C8B: variants seen among roughly 807,000 people sequenced by gnomAD.
The protein encoded by C8B is complement component C8 beta chain.
Under a neutral mutation model 64.6 loss-of-function variants are expected in C8B, and 67 were observed. That is an observed-to-expected ratio of 1.04 (90% CI 0.85 to 1.27). The LOEUF is 1.27. C8B is among the 50% of genes most tolerant of loss of function. C8B has a pLI of 0.00. For synonymous variants in C8B, 284 were observed against 257.7 expected (o/e 1.10, Z -0.98); for missense variants, 790 against 725.2 (o/e 1.09, Z -1.03).
At position 56,952,160 on chromosome 1, in the gene C8B, C is replaced by G. The variant is rs148621962; in HGVS notation, c.554G>C (p.Ser185Thr). The G allele has an allele frequency of 9.3e-6, 15 of 1,614,190 alleles. No homozygotes were observed. In the African/African-American group the frequency reaches 1.7e-4, roughly 19 times the overall value. ...GTGATCAAGAACTGGGCCCTCAAAACTGTTTGTGAACAAATTTATCCTGTG... is the reference window on the plus strand; with the variant it reads ...GTGATCAAGAACTGGGCCCTCAAAAGTGTTTGTGAACAAATTTATCCTGTG... ...LASGINLFTN[S>T]FEGPVLDHRY... is the part of the protein sequence containing the mutation. The change falls in exon 5 of 12, where the codon AGT becomes ACT. Residue 185 changes from serine (S) to threonine (T), a missense_variant. By Grantham distance (58) the Ser-to-Thr change is moderately conservative (BLOSUM62 1). Coordinates refer to ENST00000371237, the MANE Select transcript of C8B (RefSeq NM_000066.4).
chr1:56,930,127 G>A (rs1192852162), intron 11 of C8B, among the ~76,000 whole-genome samples: 1 of 152,180 alleles, frequency 6.6e-6, no homozygotes, highest in Non-Finnish European at 1.5e-5. Context: ...ATGAATGAAT[G>A]TTTTCCAGCT....
intron 7 of C8B, among the ~76,000 whole-genome samples, chr1:56,944,701 T>A (rs1026561170): frequency 6.6e-6 from 1 of 152,236 alleles, no homozygotes; most frequent in African/African-American, 2.4e-5. Flanking sequence ...CCTTTTATGT[T>A]TGAGGAACAG....
At chr1:56,945,774 C>T in intron 7 of C8B, 47 bp downstream of exon 7, 1 of 1,612,826 alleles carries the variant, frequency 6.2e-7, no homozygotes, top group Non-Finnish European at 8.5e-7. Context: ...CAACTTATGA[C>T]TCTTCCCCCA....
At chr1:56,940,748 T>G (rs1644839704) in intron 9 of C8B, 101 bp downstream of exon 9, 1 of 1,357,054 alleles carries the variant, frequency 7.4e-7, no homozygotes. Flanking sequence ...AATTAGGGCC[T>G]GGGTCTTAGT....
At chr1:56,946,532 C>T (rs1644944689) in intron 6 of C8B, among the ~76,000 whole-genome samples, 1 of 152,192 alleles carries the variant, frequency 6.6e-6, no homozygotes, top group African/African-American at 2.4e-5. Flanking sequence ...AAACTCAGTA[C>T]CTGTACCTGT....
intron 1 of C8B, among the ~76,000 whole-genome samples, chr1:56,964,387 G>A (rs1645222454): frequency 1.3e-5 from 2 of 152,124 alleles, no homozygotes; most frequent in African/African-American, 4.8e-5. Flanking sequence ...CATGATGCCT[G>A]TTCACTCCTA....
intron 4 of C8B, among the ~76,000 whole-genome samples, chr1:56,953,065 A>C (rs1645049174): frequency 6.6e-6 from 1 of 152,202 alleles, no homozygotes; most frequent in South Asian, 2.1e-4. Context: ...AGCTACGTGC[A>C]TCATCTCATT....
chr1:56,954,670 A>G lies in C8B; in HGVS notation c.533+16T>C. Reference sequence around the variant, plus strand: ...CTGTGCCTTCCCATCTACGCCACAGAAAAATGGTCACTTACCCACTGGCCA... The same window carrying G: ...CTGTGCCTTCCCATCTACGCCACAGGAAAATGGTCACTTACCCACTGGCCA... On this transcript the variant is annotated intron_variant, in intron 4 of 11. Coordinates refer to ENST00000371237, the MANE Select transcript of C8B (RefSeq NM_000066.4). 1.2e-6 allele frequency: 2 copies of G among 1,613,894 alleles called. No homozygotes were observed. The highest frequency in any genetic ancestry group is 1.7e-6 in the Non-Finnish European group (2 of 1,179,788).
intron 8 of C8B, among the ~76,000 whole-genome samples, chr1:56,943,083 A>G (rs1570384042): frequency 6.6e-6 from 1 of 151,672 alleles, no homozygotes; most frequent in East Asian, 1.9e-4. Context: ...CAAAAAAATA[A>G]AAATAAAAAA....
intron 9 of C8B, among the ~76,000 whole-genome samples, chr1:56,937,900 A>G (rs1370124859): frequency 2.6e-5 from 4 of 152,144 alleles, no homozygotes; most frequent in Non-Finnish European, 1.5e-5. Flanking sequence ...AAGACTCCTC[A>G]GTTGTTGCTC....
intron 2 of C8B, among the ~76,000 whole-genome samples, chr1:56,959,036 T>C (rs1329269127): frequency 6.6e-6 from 1 of 152,206 alleles, no homozygotes; most frequent in Non-Finnish European, 1.5e-5. Flanking sequence ...TTGAGTGTGT[T>C]CACTGGAAGA....
chr1:56,942,180 C>A (rs1474421497), intron 8 of C8B, among the ~76,000 whole-genome samples: 2 of 152,218 alleles, frequency 1.3e-5, no homozygotes, highest in Non-Finnish European at 2.9e-5. Context: ...AAGGTACTTA[C>A]CAGACGGCCC....
intron 2 of C8B, among the ~76,000 whole-genome samples, chr1:56,958,562 G>A (rs1645134056): frequency 6.6e-6 from 1 of 152,028 alleles, no homozygotes; most frequent in Non-Finnish European, 1.5e-5. Flanking sequence ...TGTAAGTGGT[G>A]CAGGAAATAT....
At chr1:56,941,057 G>T in intron 8 of C8B, 45 bp from the exon 9 acceptor site, 1 of 1,607,384 alleles carries the variant, frequency 6.2e-7, no homozygotes, top group Non-Finnish European at 8.5e-7. Context: ...ATATCCCTTT[G>T]CCCCCTAGAA....
rs568669596 is a variant in C8B, at chr1:56,943,771, C to G, written c.1159G>C (p.Gly387Arg). 1 of 1,614,076 alleles carries G rather than the reference C, an allele frequency of 6.2e-7. No individual in the cohort carries two copies. The highest frequency in any genetic ancestry group is 1.7e-5 in the Admixed American group (1 of 60,024). Reference sequence around the variant, plus strand: ...CTGACGTAGACCTCTTCAATGGCACCACCAATTTTAAAATCATTTTTGGCA... The same window carrying G: ...CTGACGTAGACCTCTTCAATGGCACGACCAATTTTAAAATCATTTTTGGCA... ...ACAKNDFKIG[G>R]AIEEVYVSLG... is the part of the protein sequence containing the mutation. Residue 387 changes from glycine (G) to arginine (R), a missense_variant, in exon 8 of 12, where the codon GGT becomes CGT. Transcript: ENST00000371237.
At chr1:56,961,489 T>A (rs1645179347) in intron 1 of C8B, among the ~76,000 whole-genome samples, 1 of 152,162 alleles carries the variant, frequency 6.6e-6, no homozygotes, top group East Asian at 1.9e-4. Flanking sequence ...GCAGTGGTGT[T>A]ACGATCTGAG....
chr1:56,949,955 G>A (rs1405995724), intron 5 of C8B, among the ~76,000 whole-genome samples: 1 of 152,110 alleles, frequency 6.6e-6, no homozygotes, highest in Non-Finnish European at 1.5e-5. Context: ...TACCTTGGGT[G>A]AAAACTTAGA....
chr1:56,950,650 C>A (rs925280704), intron 5 of C8B, among the ~76,000 whole-genome samples: 7 of 152,170 alleles, frequency 4.6e-5, no homozygotes, highest in Admixed American at 2.6e-4. Flanking sequence ...TACAGCATGG[C>A]CACTGAGATG....
intron 1 of C8B, among the ~76,000 whole-genome samples, chr1:56,964,938 T>A (rs1428484327): frequency 2.0e-5 from 3 of 152,166 alleles, no homozygotes; most frequent in Admixed American, 6.5e-5. Context: ...TTCTTGATCA[T>A]CCTAATAGCT....
Sources: gnomAD v4.1 joint callset for allele counts (sites outside exome capture counted in the v4.1 genomes callset) on GRCh38, gnomAD v4.1.1 for gene constraint, MANE v1.5 for transcripts, NCBI Gene and HGNC (gene_info 2026-07-23, HGNC 2026-07-21) for gene names.